RECQL: variants seen among roughly 807,000 people sequenced by gnomAD.
The protein encoded by RECQL is ATP-dependent DNA helicase Q1.
RECQL carries 73 observed loss-of-function variants against 75.8 expected under a neutral mutation model. That is an observed-to-expected ratio of 0.96 (90% CI 0.80 to 1.17). The LOEUF is 1.17. RECQL is among the 50% of genes most tolerant of loss of function. The pLI is 0.00. For synonymous variants in RECQL, 248 were observed against 254.4 expected (o/e 0.97, Z 0.24); for missense variants, 699 against 772.1 (o/e 0.91, Z 1.12).
intron 4 of RECQL, 128 bp downstream of exon 4, chr12:21,490,071 A>G: frequency 2.1e-6 from 1 of 481,040 alleles, no homozygotes; most frequent in Non-Finnish European, 3.6e-6. Context: ...CTATTAATAT[A>G]GAAGAAATCA....
chr12:21,492,134 T>G (rs914693284), intron 2 of RECQL, among the ~76,000 whole-genome samples: 3 of 152,202 alleles, frequency 2.0e-5, no homozygotes, highest in Non-Finnish European at 4.4e-5. Flanking sequence ...GTATCAGACT[T>G]TGAAGCAAAA....
chr12:21,478,660 C>T (rs1357473493), intron 6 of RECQL, among the ~76,000 whole-genome samples: 1 of 152,158 alleles, frequency 6.6e-6, no homozygotes, highest in African/African-American at 2.4e-5. Flanking sequence ...GGCTAAGTCA[C>T]AGAGTCTTGT....
At chr12:21,476,860 C>T (rs769171267) in intron 8 of RECQL, 51 bp downstream of exon 8, 23 of 1,225,774 alleles carry the variant, frequency 1.9e-5, no homozygotes. Context: ...GATATGAAGT[C>T]ACTTTTTGAA....
Position 21,490,343 on chromosome 12 carries a change from G to T in RECQL, c.250C>A (p.Gln84Lys). 1 of 1,612,126 alleles carries T rather than the reference G, an allele frequency of 6.2e-7. No individual in the cohort carries two copies. The highest frequency in any genetic ancestry group is 1.7e-5 in the Admixed American group (1 of 59,958). The change falls in exon 4 of 15, where the codon CAA becomes AAA. Residue 84 changes from glutamine (Q) to lysine (K), a missense_variant. This residue lies in a region of RECQL where 669 missense variants were observed against 713.5 expected (regional missense o/e 0.94). Coordinates refer to ENST00000444129, the MANE Select transcript of RECQL (RefSeq NM_002907.4). ...PWSGKVKDIL[Q>K]NVFKLEKFRP... ...AACTTTTCCAGTTTAAAGACATTTT[G>T]CAGAATATCTTTAACTTTACCAGAC... is the stretch of plus-strand genomic sequence containing the variant.
chr12:21,485,006 C>T (rs1943262844), intron 5 of RECQL, among the ~76,000 whole-genome samples: 1 of 151,664 alleles, frequency 6.6e-6, no homozygotes, highest in South Asian at 2.1e-4. Context: ...GAAAGAGTGA[C>T]AGAATTAGAT....
chr12:21,483,372 A>C lies in RECQL; in HGVS notation c.700+4T>G, dbSNP rs201357215. 1 of 1,594,548 alleles carries C rather than the reference A, an allele frequency of 6.3e-7. No homozygotes were observed. The highest frequency in any genetic ancestry group is 8.5e-7 in the Non-Finnish European group (1 of 1,172,052). Reference sequence around the variant, plus strand: ...AAAAAGTTTTCTAGATAAAACATACATACCAGGTCTGAAATCATGTCCCCA... The same window carrying C: ...AAAAAGTTTTCTAGATAAAACATACCTACCAGGTCTGAAATCATGTCCCCA... On this transcript the variant is annotated splice_donor_region_variant and intron_variant, in intron 6 of 14. Coordinates refer to ENST00000444129, the MANE Select transcript of RECQL (RefSeq NM_002907.4).
At chr12:21,492,341 A>C (rs1173948820) in intron 2 of RECQL, among the ~76,000 whole-genome samples, 1 of 152,192 alleles carries the variant, frequency 6.6e-6, no homozygotes, top group Non-Finnish European at 1.5e-5. Flanking sequence ...ATTCTAATCA[A>C]TCTAAGTATT....
chr12:21,475,749 C>G lies in RECQL; in HGVS notation c.1025G>C (p.Gly342Ala), dbSNP rs770714965. ...VSLQNLGIHA[G>A]AYHANLEPED... is the part of the protein sequence containing the mutation. ...TGGCTCCAAATTGGCATGGTAAGCACCTGCATGAATTCCCAGATTCTGCAA... is the reference window on the plus strand; with the variant it reads ...TGGCTCCAAATTGGCATGGTAAGCAGCTGCATGAATTCCCAGATTCTGCAA... The change falls in exon 9 of 15, where the codon GGT (glycine) becomes GCT (alanine). Residue 342 changes from glycine (G) to alanine (A), a missense_variant. Physicochemically the swap from Gly to Ala is moderately conservative, Grantham distance 60. Coordinates refer to ENST00000444129, the MANE Select transcript of RECQL (RefSeq NM_002907.4). 1.9e-6 allele frequency: 3 copies of G among 1,613,174 alleles called. No homozygotes were observed. Among genetic ancestry groups the G allele is most frequent in the Non-Finnish European group, 2.5e-6 (3 of 1,179,488 alleles).
chr12:21,482,425 A>C (rs955947304), intron 6 of RECQL, among the ~76,000 whole-genome samples: 3 of 152,170 alleles, frequency 2.0e-5, no homozygotes, highest in Non-Finnish European at 4.4e-5. Flanking sequence ...GAAATGTATA[A>C]AGGAGTTGAA....
At chr12:21,475,908 T>C in intron 8 of RECQL, 84 bp from the exon 9 acceptor site, 5 of 1,097,856 alleles carry the variant, frequency 4.6e-6, no homozygotes, top group Non-Finnish European at 6.8e-6. Flanking sequence ...AGGACATTGA[T>C]TAATACAATG....
At chr12:21,484,481 A>G (rs1285324841) in intron 5 of RECQL, among the ~76,000 whole-genome samples, 1 of 152,130 alleles carries the variant, frequency 6.6e-6, no homozygotes, top group East Asian at 1.9e-4. Context: ...CCACAGATTG[A>G]TTTTGTTGGA....
Position 21,486,676 on chromosome 12 carries a change from T to C in RECQL, c.395-91A>G, listed in dbSNP as rs1565571244. On this transcript the variant is annotated intron_variant, in intron 4 of 14. Transcript: ENST00000444129. The stretch of plus-strand genomic sequence containing the variant: ...ATTCACGTTTTTTTTTTTTTTTTTT[T>C]TTTTTTTTTTTAGAGATGGAGTCTC... The C allele has an allele frequency of 1.2e-5, 13 of 1,121,818 alleles. 2 individuals carry two copies. The highest frequency in any genetic ancestry group is 2.8e-5 in the East Asian group (1 of 35,226). 69.5% of individuals were successfully genotyped at this position (1,121,818 alleles called of 1,614,324 possible). A position where few individuals can be genotyped will look rare whatever the true frequency, so the allele number is the denominator to read the frequency against.
intron 4 of RECQL, among the ~76,000 whole-genome samples, chr12:21,487,536 G>A (rs908034269): frequency 2.6e-5 from 4 of 152,062 alleles, no homozygotes; most frequent in Non-Finnish European, 5.9e-5. Context: ...ACAACCTTTG[G>A]CAAAGAGCAG....
intron 2 of RECQL, among the ~76,000 whole-genome samples, chr12:21,492,304 T>G (rs1378343215): frequency 2.6e-5 from 4 of 152,230 alleles, no homozygotes; most frequent in Admixed American, 2.6e-4. Context: ...CCTTTGTAAC[T>G]AATCTATAAA....
rs1942884204 is a variant in RECQL at position 21,469,725 on chromosome 12, A to G, written c.*469T>C. ...CTCATCAGCTATCATCAGTGTTAGC[A>G]TATTTTATGTGCGGCCCAAGACAAT... is the stretch of plus-strand genomic sequence containing the variant. On this transcript the variant is annotated 3_prime_UTR_variant, in exon 15 of 15. Transcript: ENST00000444129. 1 of 151,668 alleles carries G rather than the reference A, an allele frequency of 6.6e-6. No individual in the cohort carries two copies. Among genetic ancestry groups the G allele is most frequent in the Non-Finnish European group, 1.5e-5 (1 of 68,312 alleles). 9.4% of individuals were successfully genotyped at this position (151,668 alleles called of 1,614,324 possible).
Position 21,469,390 on chromosome 12 carries a change from G to A in RECQL, c.*804C>T, listed in dbSNP as rs963024528. ...TTTCTTGCAATTTTTTTTTTTTTAA[G>A]CTCATCAGCTATCGTCAGTGTTAGC... On this transcript the variant is annotated 3_prime_UTR_variant, in exon 15 of 15. Transcript: ENST00000444129. The A allele has an allele frequency of 3.3e-5, 5 of 149,778 alleles. No homozygotes were observed. Among genetic ancestry groups the A allele is most frequent in the Non-Finnish European group, 7.4e-5 (5 of 67,642 alleles). 9.3% of individuals were successfully genotyped at this position (149,778 alleles called of 1,614,324 possible).
chr12:21,483,779 C>A (rs897375285), intron 5 of RECQL, among the ~76,000 whole-genome samples: 8 of 152,016 alleles, frequency 5.3e-5, no homozygotes, highest in African/African-American at 1.7e-4. Flanking sequence ...TAGTTATTTA[C>A]TAACGTCTAC....
chr12:21,471,087 CTG>C lies in RECQL; in HGVS notation c.1677_1678del (p.Tyr559Ter), dbSNP rs1942943233. 4 of 1,581,146 alleles carry C rather than the reference CTG, an allele frequency of 2.5e-6. No homozygotes were observed. In the East Asian group the frequency reaches 6.9e-5, roughly 27 times the overall value. ...CGAAATGGTAGCATAAGCTGTAAAA[CTG>C]TAGTCTTCTCTGCAGAAAATAAAGG... On this transcript the variant is annotated stop_gained and frameshift_variant, in exon 14 of 15. Transcript: ENST00000444129. LOFTEE classifies it high-confidence loss of function.
At chr12:21,484,733 A>C (rs550227163) in intron 5 of RECQL, among the ~76,000 whole-genome samples, 2 of 148,388 alleles carry the variant, frequency 1.3e-5, no homozygotes, top group African/African-American at 4.9e-5. Flanking sequence ...GGACTATTTC[A>C]GCATTACATA....
Sources: allele counts gnomAD v4.1 joint callset (sites outside exome capture counted in the v4.1 genomes callset), GRCh38; gene constraint gnomAD v4.1.1; regional missense constraint gnomAD v4.1.1; transcripts MANE v1.5; gene names NCBI Gene and HGNC (gene_info 2026-07-23, HGNC 2026-07-21).